The following RORA variants were observed in gnomAD, a reference collection of about 807,000 sequenced individuals.
RORA encodes RAR related orphan receptor A, also known as nuclear receptor ROR-alpha.
In RORA, 7 loss-of-function variants were observed where a neutral mutation model predicts 69.5. That is an observed-to-expected ratio of 0.10 (90% CI 0.06 to 0.19). The LOEUF is 0.19. RORA is among the 10% of genes least tolerant of loss of function. RORA has a pLI of 1.00. For missense variants in RORA, 457 were observed against 663.0 expected (o/e 0.69, Z 3.41); for synonymous variants, 261 against 240.8 (o/e 1.08, Z -0.78).
intron 1 of RORA, among the ~76,000 whole-genome samples, chr15:60,801,416 G>C (rs2072579693): frequency 1.1e-5 from 1 of 88,620 alleles, no homozygotes; most frequent in East Asian, 2.7e-4. Flanking sequence ...ACAGACTTTA[G>C]TGGCTTAGAT....
In RORA at chr15:60,542,737, T is replaced by TCCCA. The variant is rs1270568673; in HGVS notation, c.197-10887_197-10886insTGGG. On this transcript the variant is annotated intron_variant, in intron 2 of 10. Coordinates refer to ENST00000335670, the MANE Select transcript of RORA (RefSeq NM_134261.3). ...CCCACACACGGCACACAGGCACACC[T>TCCCA]CAAACGACACACGGGCACACCTCAC... is the stretch of plus-strand genomic sequence containing the variant. Among the ~76,000 whole-genome samples, 836 of 140,866 alleles carry TCCCA rather than the reference T, an allele frequency of 5.9e-3. 50 individuals carry two copies. The highest frequency in any genetic ancestry group is 0.024 in the African/African-American group (792 of 33,254). The allele number at this position is 140,866 out of a possible 152,430, so 92.4% of individuals were successfully genotyped here.
At chr15:60,690,660 T>A (rs1029910461) in intron 1 of RORA, among the ~76,000 whole-genome samples, 5 of 152,172 alleles carry the variant, frequency 3.3e-5, no homozygotes, top group Admixed American at 6.5e-5. Context: ...AAATGTTAGA[T>A]CTGGAATAGA....
rs1264191948 is a variant in RORA at position 60,493,483 on chromosome 15, C to T, written c.*3972G>A. The T allele has an allele frequency of 6.6e-6, 1 of 152,164 alleles. No individual in the cohort carries two copies. The highest frequency in any genetic ancestry group is 2.4e-5 in the African/African-American group (1 of 41,430). The allele number at this position is 152,164 out of a possible 1,614,324, so 9.4% of individuals were successfully genotyped here. A position where few individuals can be genotyped will look rare whatever the true frequency, so the allele number is the denominator to read the frequency against. ...TACTTAAACCTTTTCATGAAAGATA[C>T]TACTAGGTTGTTTTGCATTTTGGAA... is the stretch of plus-strand genomic sequence containing the variant. On this transcript the variant is annotated 3_prime_UTR_variant, in exon 11 of 11. Transcript: ENST00000335670.
intron 1 of RORA, among the ~76,000 whole-genome samples, chr15:61,227,645 G>C (rs574187994): frequency 6.6e-6 from 1 of 151,772 alleles, no homozygotes; most frequent in Non-Finnish European, 1.5e-5. Flanking sequence ...CTACAACATC[G>C]AGAGGAAGGG....
At chr15:60,986,596 C>T (rs1356490551) in intron 1 of RORA, among the ~76,000 whole-genome samples, 1 of 152,200 alleles carries the variant, frequency 6.6e-6, no homozygotes. Context: ...CTGAGGACAA[C>T]ACAAGGTTAT....
At chr15:61,216,603 T>C (rs1049894878) in intron 1 of RORA, among the ~76,000 whole-genome samples, 1 of 151,922 alleles carries the variant, frequency 6.6e-6, no homozygotes, top group Non-Finnish European at 1.5e-5. Context: ...AAGGTGGGAA[T>C]AAGGTAGCAA....
intron 1 of RORA, among the ~76,000 whole-genome samples, chr15:61,121,210 A>G (rs2079101197): frequency 6.6e-6 from 1 of 152,046 alleles, no homozygotes; most frequent in Non-Finnish European, 1.5e-5. Context: ...TTATAGCAAT[A>G]CTATTTTACA....
intron 2 of RORA, among the ~76,000 whole-genome samples, chr15:60,572,693 G>A (rs2067917179): frequency 6.6e-6 from 1 of 152,240 alleles, no homozygotes; most frequent in South Asian, 2.1e-4. Flanking sequence ...TTTCATCCTG[G>A]GTAGGAGATG....
intron 1 of RORA, among the ~76,000 whole-genome samples, chr15:60,744,554 T>G (rs1159434505): frequency 6.6e-6 from 1 of 152,184 alleles, no homozygotes; most frequent in Non-Finnish European, 1.5e-5. Flanking sequence ...TTACGCTCCC[T>G]GAGTTCAGTG....
intron 9 of RORA, among the ~76,000 whole-genome samples, chr15:60,500,640 T>C (rs142790845): frequency 2.2e-3 from 332 of 152,330 alleles, no homozygotes; most frequent in Non-Finnish European, 3.7e-3. Flanking sequence ...TGGAGACTGG[T>C]GTTAAGACAG....
chr15:60,609,826 T>C (rs528884645), intron 2 of RORA, among the ~76,000 whole-genome samples: 1 of 152,206 alleles, frequency 6.6e-6, no homozygotes, highest in South Asian at 2.1e-4. Context: ...GGCCTCTTCT[T>C]CAGAAGGCTG....
intron 2 of RORA, among the ~76,000 whole-genome samples, chr15:60,637,056 A>C (rs1317961351): frequency 6.6e-6 from 1 of 152,038 alleles, no homozygotes; most frequent in Non-Finnish European, 1.5e-5. Flanking sequence ...GTGTGCATTA[A>C]TCTTTACTTT....
chr15:60,939,925 A>G (rs528447341), intron 1 of RORA, among the ~76,000 whole-genome samples: 128 of 152,352 alleles, frequency 8.4e-4, no homozygotes, highest in Non-Finnish European at 1.6e-3. Context: ...AATATTGGAT[A>G]CTGCATTTTG....
chr15:60,494,491 A>G lies in RORA; in HGVS notation c.*2964T>C, dbSNP rs1487922527. ...AAGGATAATTGTTCTGATATCACCC[A>G]AGTATTTTATGTCATCACATAGGTG... On this transcript the variant is annotated 3_prime_UTR_variant, in exon 11 of 11. Transcript: ENST00000335670. The G allele has an allele frequency of 6.6e-6, 1 of 152,266 alleles. No individual in the cohort carries two copies. The highest frequency in any genetic ancestry group is 1.5e-5 in the Non-Finnish European group (1 of 68,054). 9.4% of individuals were successfully genotyped at this position (152,266 alleles called of 1,614,324 possible).
intron 2 of RORA, among the ~76,000 whole-genome samples, chr15:60,602,685 G>A (rs2068847114): frequency 6.6e-6 from 1 of 152,120 alleles, no homozygotes; most frequent in South Asian, 2.1e-4. Flanking sequence ...CATATAGAGT[G>A]CTCTCTATTT....
intron 1 of RORA, among the ~76,000 whole-genome samples, chr15:61,029,528 G>A (rs1435256434): frequency 6.6e-6 from 1 of 152,168 alleles, no homozygotes; most frequent in Non-Finnish European, 1.5e-5. Flanking sequence ...AAGGAGTACA[G>A]ACGGGAGGGA....
At chr15:60,560,486 G>T (rs1314486875) in intron 2 of RORA, among the ~76,000 whole-genome samples, 1 of 152,018 alleles carries the variant, frequency 6.6e-6, no homozygotes, top group Non-Finnish European at 1.5e-5. Flanking sequence ...TTGAGCTCAG[G>T]AGTTCAAGAC....
chr15:60,778,486 T>G (rs1159612799), intron 1 of RORA, among the ~76,000 whole-genome samples: 4 of 152,088 alleles, frequency 2.6e-5, no homozygotes, highest in Non-Finnish European at 5.9e-5. Flanking sequence ...CTGGCTGTAT[T>G]TGATTGTTTT....
At chr15:60,716,476 T>C (rs1405855979) in intron 1 of RORA, among the ~76,000 whole-genome samples, 1 of 152,220 alleles carries the variant, frequency 6.6e-6, no homozygotes, top group African/African-American at 2.4e-5. Context: ...CAGGTAATTC[T>C]CTCTGAGCCA....
Sources: gnomAD v4.1 joint callset for allele counts (sites outside exome capture counted in the v4.1 genomes callset) on GRCh38, gnomAD v4.1.1 for gene constraint, MANE v1.5 for transcripts, NCBI Gene and HGNC (gene_info 2026-07-23, HGNC 2026-07-21) for gene names.